Variants in ARRB1 observed in about 807,000 individuals in gnomAD.
ARRB1 encodes the protein beta-arrestin-1.
A neutral mutation model predicts 56.8 loss-of-function variants in ARRB1; 21 were observed. The observed-to-expected ratio is 0.37, with a 90% confidence interval of 0.26 to 0.53. The LOEUF is 0.53. Ranked by LOEUF, ARRB1 falls within the 20% of genes least tolerant of loss-of-function variation. The probability of loss-of-function intolerance (pLI) is 0.88; values close to 1 mark genes in which losing one functional copy is unlikely to be tolerated. For missense variants in ARRB1, 424 were observed against 553.7 expected (o/e 0.77, Z 2.35); for synonymous variants, 210 against 218.6 (o/e 0.96, Z 0.35).
intron 8 of ARRB1, 80 bp from the exon 9 acceptor site, chr11:75,277,528 G>T: frequency 7.6e-7 from 1 of 1,313,226 alleles, no homozygotes; most frequent in Non-Finnish European, 1.1e-6. Flanking sequence ...AAGCCCCCAC[G>T]CGATCTTCTG....
intron 1 of ARRB1, among the ~76,000 whole-genome samples, chr11:75,294,230 C>T (rs1052469579): frequency 3.3e-5 from 5 of 152,090 alleles, no homozygotes; most frequent in Non-Finnish European, 7.3e-5. Flanking sequence ...GGGGTCACAA[C>T]ATACTAGTTG....
chr11:75,312,931 G>T (rs1947192849), intron 1 of ARRB1, among the ~76,000 whole-genome samples: 3 of 152,214 alleles, frequency 2.0e-5, no homozygotes, highest in African/African-American at 7.2e-5. Context: ...GAAGTGTAAA[G>T]AATATATTTG....
chr11:75,274,260 C>T (rs775770364), intron 10 of ARRB1, 49 bp from the exon 11 acceptor site: 86 of 1,603,422 alleles, frequency 5.4e-5, no homozygotes, highest in Non-Finnish European at 7.1e-5. Context: ...CAGAGCCAAC[C>T]CCAGCCCTGA....
At chr11:75,267,558 C>A in intron 15 of ARRB1, 94 bp downstream of exon 15, 1 of 1,300,808 alleles carries the variant, frequency 7.7e-7, no homozygotes, top group Non-Finnish European at 1.1e-6. Flanking sequence ...ACCAGCGGCT[C>A]CTCAGGAGTT....
chr11:75,309,172 C>T (rs1032459408), intron 1 of ARRB1, among the ~76,000 whole-genome samples: 26 of 152,258 alleles, frequency 1.7e-4, no homozygotes, highest in Non-Finnish European at 3.7e-4. Flanking sequence ...CACAAATGGG[C>T]GCAGCCAGCA....
At chr11:75,325,661 C>A (rs1184366499) in intron 1 of ARRB1, among the ~76,000 whole-genome samples, 1 of 152,196 alleles carries the variant, frequency 6.6e-6, no homozygotes, top group Non-Finnish European at 1.5e-5. Flanking sequence ...ACAGGCATGA[C>A]ACTTTAAGCC....
Position 75,282,034 on chromosome 11 carries a change from G to C in ARRB1, c.355-13C>G, listed in dbSNP as rs1466996228. On this transcript the variant is annotated splice_polypyrimidine_tract_variant and intron_variant, in intron 5 of 15. Coordinates refer to ENST00000420843, the MANE Select transcript of ARRB1 (RefSeq NM_004041.5). The stretch of plus-strand genomic sequence containing the variant: ...GGTTTGGAGGGATCTGTCAAGAAGA[G>C]GACAGAACGAGCCACCTGTCACATC... 1 of 1,613,812 alleles carries C rather than the reference G, an allele frequency of 6.2e-7. No homozygotes were observed. The highest frequency in any genetic ancestry group is 2.2e-5 in the East Asian group (1 of 44,882).
chr11:75,321,425 C>G (rs1225093675), intron 1 of ARRB1, among the ~76,000 whole-genome samples: 2 of 152,058 alleles, frequency 1.3e-5, no homozygotes, highest in South Asian at 2.1e-4. Context: ...AGGGCCTTTT[C>G]TCTCCTTCTT....
chr11:75,268,627 T>A (rs1264373214), intron 14 of ARRB1, among the ~76,000 whole-genome samples: 1 of 150,972 alleles, frequency 6.6e-6, no homozygotes, highest in East Asian at 1.9e-4. Context: ...AGCCCATGCC[T>A]GGGTGCAAGA....
intron 11 of ARRB1, 63 bp from the exon 12 acceptor site, chr11:75,273,041 G>C: frequency 6.8e-7 from 1 of 1,467,274 alleles, no homozygotes; most frequent in Non-Finnish European, 9.5e-7. Flanking sequence ...CACCTCAGGG[G>C]TGGGTATGCT....
At chr11:75,312,033 C>A in intron 1 of ARRB1, 1 of 1,289,054 alleles carries the variant, frequency 7.8e-7, no homozygotes, top group Non-Finnish European at 1.0e-6. Context: ...CCCTGCCCAG[C>A]CTCTTCCCCT....
At chr11:75,286,068 T>A (rs1054570928) in intron 3 of ARRB1, among the ~76,000 whole-genome samples, 19 of 152,026 alleles carry the variant, frequency 1.2e-4, no homozygotes, top group Non-Finnish European at 4.4e-5. Context: ...CATGAAGGGC[T>A]CTGCTGACAG....
At chr11:75,299,738 AC>A (rs1946852264) in intron 1 of ARRB1, among the ~76,000 whole-genome samples, 1 of 152,212 alleles carries the variant, frequency 6.6e-6, no homozygotes, top group Non-Finnish European at 1.5e-5. Flanking sequence ...CCTCTGCTTC[AC>A]TTTTATAGCA....
At chr11:75,282,305 G>A (rs1946364560) in intron 5 of ARRB1, among the ~76,000 whole-genome samples, 1 of 152,172 alleles carries the variant, frequency 6.6e-6, no homozygotes, top group African/African-American at 2.4e-5. Context: ...CCCCAAAGAT[G>A]TCCACACCCT....
chr11:75,299,594 G>A (rs984115805), intron 1 of ARRB1, among the ~76,000 whole-genome samples: 4 of 151,994 alleles, frequency 2.6e-5, no homozygotes, highest in Admixed American at 1.3e-4. Flanking sequence ...CTAATGTATC[G>A]TATACTCAGC....
At chr11:75,267,728 G>A in intron 14 of ARRB1, 25 bp from the exon 15 acceptor site, 7 of 936,500 alleles carry the variant, frequency 7.5e-6, no homozygotes, top group Non-Finnish European at 1.2e-5. Context: ...GGTGGGCAGG[G>A]TGTCCAGGGA....
Position 75,266,167 on chromosome 11 carries a change from CTGT to C in ARRB1, c.1250_1252del (p.Asn417del), listed in dbSNP as rs1473657806. The C allele has an allele frequency of 1.7e-5, 27 of 1,613,950 alleles. No homozygotes were observed. The highest frequency in any genetic ancestry group is 2.0e-5 in the Non-Finnish European group (24 of 1,179,902). ...GTGGAGGCAGGGCCGGCCCGTCTAT[CTGT>C]TGTTGAGCTGTGGAGAGCCGGTACC... On this transcript the variant is annotated inframe_deletion, in exon 16 of 16. Coordinates refer to ENST00000420843, the MANE Select transcript of ARRB1 (RefSeq NM_004041.5).
intron 7 of ARRB1, 47 bp from the exon 8 acceptor site, chr11:75,278,791 C>T (rs1229717454): frequency 6.4e-7 from 1 of 1,561,984 alleles, no homozygotes; most frequent in Non-Finnish European, 8.7e-7. Context: ...CACCTGCCTT[C>T]ATCCCCTCTC....
At chr11:75,279,104 T>C (rs968790189) in intron 7 of ARRB1, among the ~76,000 whole-genome samples, 1 of 152,252 alleles carries the variant, frequency 6.6e-6, no homozygotes, top group African/African-American at 2.4e-5. Flanking sequence ...CTGTCATCTA[T>C]TTTGGTGACA....
Sources: gnomAD v4.1 joint callset for allele counts (sites outside exome capture counted in the v4.1 genomes callset) on GRCh38, gnomAD v4.1.1 for gene constraint, MANE v1.5 for transcripts, NCBI Gene and HGNC (gene_info 2026-07-23, HGNC 2026-07-21) for gene names.